Variants in RBM27 observed in about 807,000 individuals in gnomAD.
The protein encoded by RBM27 is RNA binding motif protein 27, also known as RNA-binding protein 27.
Under a neutral mutation model 135.3 loss-of-function variants are expected in RBM27, and 22 were observed. The ratio of observed to expected loss-of-function variants is 0.16; its 90% CI spans 0.12 to 0.23. RBM27 has a LOEUF of 0.23. Among genes scored for constraint, RBM27 ranks in the 10% least tolerant of loss-of-function variants. RBM27 has a pLI of 1.00. For missense variants in RBM27, 1,009 were observed against 1,281.0 expected (o/e 0.79, Z 3.24); for synonymous variants, 481 against 442.4 (o/e 1.09, Z -1.10).
chr5:146,248,211 C>G (rs965145630), intron 8 of RBM27, among the ~76,000 whole-genome samples: 1 of 149,280 alleles, frequency 6.7e-6, no homozygotes, highest in Non-Finnish European at 1.5e-5. Flanking sequence ...TCAATAGGAG[C>G]CTCTTCATGT....
chr5:146,214,064 G>A (rs1374504120), intron 1 of RBM27, among the ~76,000 whole-genome samples: 1 of 152,186 alleles, frequency 6.6e-6, no homozygotes, highest in African/African-American at 2.4e-5. Context: ...AAAAGACATG[G>A]TTGTGAAACA....
chr5:146,208,745 A>G lies in RBM27; in HGVS notation c.59+4921A>G, dbSNP rs535155682. 9.8e-5 allele frequency among the ~76,000 whole-genome samples: 15 copies of G among 152,366 alleles called. 1 individual carries two copies. Among genetic ancestry groups the G allele is most frequent in the African/African-American group, 3.6e-4 (15 of 41,582 alleles). Reference sequence around the variant, plus strand: ...AAATTCAGGAAATAAGTGCATCACTAAAGAAATTTCTGCAAGTTTAAAAAA... The same window carrying G: ...AAATTCAGGAAATAAGTGCATCACTGAAGAAATTTCTGCAAGTTTAAAAAA... On this transcript the variant is annotated intron_variant, in intron 1 of 20. Coordinates refer to ENST00000265271, the MANE Select transcript of RBM27 (RefSeq NM_018989.2).
At chr5:146,225,675 C>T (rs1756642855) in intron 3 of RBM27, among the ~76,000 whole-genome samples, 1 of 151,634 alleles carries the variant, frequency 6.6e-6, no homozygotes, top group African/African-American at 2.4e-5. Flanking sequence ...AAGCGATTCT[C>T]CTGCCTCAGC....
At chr5:146,253,055 T>G (rs1332122239) in intron 9 of RBM27, among the ~76,000 whole-genome samples, 1 of 152,242 alleles carries the variant, frequency 6.6e-6, no homozygotes, top group South Asian at 2.1e-4. Flanking sequence ...TGGAGTGCAA[T>G]GGGGTGATCT....
At chr5:146,258,825 C>G (rs968590692) in intron 11 of RBM27, among the ~76,000 whole-genome samples, 3 of 149,614 alleles carry the variant, frequency 2.0e-5, no homozygotes, top group African/African-American at 4.9e-5. Flanking sequence ...ATGGTATAAT[C>G]TCAGCTCACC....
intron 8 of RBM27, among the ~76,000 whole-genome samples, chr5:146,243,209 T>C (rs965016817): frequency 6.6e-6 from 1 of 152,060 alleles, no homozygotes; most frequent in Non-Finnish European, 1.5e-5. Flanking sequence ...GAGGTTGCAG[T>C]GAGCTGAGAT....
Position 146,223,546 on chromosome 5 carries a change from C to T in RBM27, c.303+19C>T, listed in dbSNP as rs780290780. The T allele has an allele frequency of 2.5e-6, 4 of 1,591,926 alleles. No individual in the cohort carries two copies. Among genetic ancestry groups the T allele is most frequent in the Non-Finnish European group, 3.4e-6 (4 of 1,173,658 alleles). On this transcript the variant is annotated intron_variant, in intron 3 of 20. Coordinates refer to ENST00000265271, the MANE Select transcript of RBM27 (RefSeq NM_018989.2). ...AGAAGAGGTAATGCAAATTTTTTCTCCTGCTTTTGGGGGCTTCTTAGATCC... is the reference window on the plus strand; with the variant it reads ...AGAAGAGGTAATGCAAATTTTTTCTTCTGCTTTTGGGGGCTTCTTAGATCC...
intron 8 of RBM27, 70 bp downstream of exon 8, chr5:146,237,502 C>T: frequency 6.7e-7 from 1 of 1,487,830 alleles, no homozygotes; most frequent in South Asian, 1.2e-5. Flanking sequence ...ATCAGTATAA[C>T]CCTTTAAAAA....
At chr5:146,279,001 A>G (rs934219986) in intron 19 of RBM27, among the ~76,000 whole-genome samples, 1 of 151,960 alleles carries the variant, frequency 6.6e-6, no homozygotes, top group African/African-American at 2.4e-5. Flanking sequence ...GATTACAGGC[A>G]TCAGCCCCTG....
intron 19 of RBM27, among the ~76,000 whole-genome samples, chr5:146,272,327 A>G (rs889794022): frequency 4.6e-5 from 7 of 152,244 alleles, no homozygotes; most frequent in South Asian, 2.1e-4. Flanking sequence ...TAAAATGTCA[A>G]CCACAATCAT....
chr5:146,269,874 C>T (rs905339669), intron 17 of RBM27, among the ~76,000 whole-genome samples: 1 of 151,674 alleles, frequency 6.6e-6, no homozygotes, highest in Non-Finnish European at 1.5e-5. Flanking sequence ...CACCCGGCTG[C>T]CACAATTTTT....
intron 1 of RBM27, among the ~76,000 whole-genome samples, chr5:146,207,855 G>A (rs527521978): frequency 2.2e-4 from 32 of 147,512 alleles, no homozygotes; most frequent in Non-Finnish European, 4.5e-4. Context: ...GGGTTTCACC[G>A]TGTTGGTCAG....
chr5:146,274,461 T>C (rs1312531912), intron 19 of RBM27, among the ~76,000 whole-genome samples: 1 of 152,178 alleles, frequency 6.6e-6, no homozygotes, highest in African/African-American at 2.4e-5. Flanking sequence ...GGTTTTGCCA[T>C]GTTGGCCAGG....
At chr5:146,220,715 A>T (rs1356406673) in intron 2 of RBM27, among the ~76,000 whole-genome samples, 2 of 152,124 alleles carry the variant, frequency 1.3e-5, no homozygotes, top group African/African-American at 4.8e-5. Context: ...CAATACTGAC[A>T]GAATTTTTTC....
At chr5:146,271,729 C>A in intron 19 of RBM27, 55 bp downstream of exon 19, 1 of 1,481,596 alleles carries the variant, frequency 6.7e-7, no homozygotes, top group Non-Finnish European at 9.3e-7. Context: ...TCATCATTTT[C>A]CTTGCTGCAG....
intron 8 of RBM27, chr5:146,245,291 T>C (rs956483525): frequency 6.6e-6 from 1 of 152,190 alleles, no homozygotes; most frequent in Admixed American, 6.5e-5. Flanking sequence ...CAGTATATAC[T>C]TTTGGCTTTT....
chr5:146,206,506 A>T (rs1755670138), intron 1 of RBM27, among the ~76,000 whole-genome samples: 3 of 150,648 alleles, frequency 2.0e-5, no homozygotes, highest in Admixed American at 6.6e-5. Flanking sequence ...TTCAACTTAA[A>T]GTTCACATGC....
At chr5:146,220,984 G>A (rs572266602) in intron 2 of RBM27, among the ~76,000 whole-genome samples, 2 of 152,082 alleles carry the variant, frequency 1.3e-5, no homozygotes, top group African/African-American at 4.8e-5. Flanking sequence ...TTGGGAGGCC[G>A]AGGCGGGTGG....
At chr5:146,217,807 C>CTAGAGTGCAG (rs1240579606) in intron 1 of RBM27, among the ~76,000 whole-genome samples, 1 of 152,076 alleles carries the variant, frequency 6.6e-6, no homozygotes, top group Admixed American at 6.6e-5. Context: ...GTCACCCAGG[C>CTAGAGTGCAG]TGGAGTGCAG....
Sources: gnomAD v4.1 joint callset for allele counts (sites outside exome capture counted in the v4.1 genomes callset) on GRCh38, gnomAD v4.1.1 for gene constraint, MANE v1.5 for transcripts, NCBI Gene and HGNC (gene_info 2026-07-23, HGNC 2026-07-21) for gene names.